SND1: variants seen among roughly 807,000 people sequenced by gnomAD.
SND1 encodes staphylococcal nuclease domain-containing protein 1.
Under a neutral mutation model 121.7 loss-of-function variants are expected in SND1, and 38 were observed. The observed-to-expected ratio is 0.31, with a 90% confidence interval of 0.24 to 0.41. The LOEUF (loss-of-function observed/expected upper bound fraction) is 0.41. SND1 is among the 10% of genes least tolerant of loss of function. SND1 has a pLI of 1.00. For missense variants in SND1, 868 were observed against 1,184.6 expected (o/e 0.73, Z 3.92); for synonymous variants, 401 against 447.4 (o/e 0.90, Z 1.31).
Position 128,085,208 on chromosome 7 carries a change from G to A in SND1, c.2234+361G>A, listed in dbSNP as rs888426496. ...TGAGGTAGAGGCTGGGCTACAGTAA[G>A]CCTAAACCAGCTGCCCGACCCTCTT... On this transcript the variant is annotated intron_variant, in intron 19 of 23. Coordinates refer to ENST00000354725, the MANE Select transcript of SND1 (RefSeq NM_014390.4). This position sits in a 1 kb window ranked among gnomAD's most constrained non-coding sequence, Gnocchi z 4.4. Among the ~76,000 whole-genome samples, 1 of 152,084 alleles carries A rather than the reference G, an allele frequency of 6.6e-6. No homozygotes were observed. Among genetic ancestry groups the A allele is most frequent in the Non-Finnish European group, 1.5e-5 (1 of 68,006 alleles).
At chr7:127,686,489 A>G in intron 1 of SND1, 124 bp from the exon 2 acceptor site, 1 of 986,494 alleles carries the variant, frequency 1.0e-6, no homozygotes, top group African/African-American at 1.6e-5. Flanking sequence ...CATTCAACAG[A>G]TGACTTTGCA....
At chr7:127,808,979 G>C (rs770578191) in intron 11 of SND1, among the ~76,000 whole-genome samples, 1 of 152,218 alleles carries the variant, frequency 6.6e-6, no homozygotes, top group Non-Finnish European at 1.5e-5. Flanking sequence ...GTAGCCAGTT[G>C]TGTGGCGTGT....
intron 13 of SND1, among the ~76,000 whole-genome samples, chr7:127,893,512 A>C (rs566184278): frequency 1.0e-3 from 157 of 152,222 alleles, no homozygotes; most frequent in African/African-American, 3.5e-3. Flanking sequence ...TTTAATTCTA[A>C]GATTTGCAAT....
intron 15 of SND1, among the ~76,000 whole-genome samples, chr7:127,977,054 T>C (rs947187573): frequency 2.6e-5 from 4 of 152,268 alleles, no homozygotes; most frequent in East Asian, 3.9e-4. Flanking sequence ...AAGACTGATA[T>C]GCAGTCTCTC....
At chr7:127,669,935 T>A (rs1201003677) in intron 1 of SND1, among the ~76,000 whole-genome samples, 1 of 152,220 alleles carries the variant, frequency 6.6e-6, no homozygotes, top group Non-Finnish European at 1.5e-5. Context: ...TCTTTTCTTT[T>A]TTTTTCTAGT....
intron 12 of SND1, chr7:127,857,817 A>G: frequency 1.2e-6 from 1 of 825,770 alleles, no homozygotes; most frequent in Non-Finnish European, 2.1e-6. Flanking sequence ...TCAGGAAAGA[A>G]GGGCCCACCA....
intron 15 of SND1, among the ~76,000 whole-genome samples, chr7:127,948,177 G>A (rs1044019297): frequency 6.6e-6 from 1 of 152,154 alleles, no homozygotes; most frequent in African/African-American, 2.4e-5. Context: ...AGTGATTCCT[G>A]TATGGCCTTA....
intron 9 of SND1, among the ~76,000 whole-genome samples, chr7:127,711,239 CT>C (rs1181423857): frequency 6.6e-6 from 1 of 152,172 alleles, no homozygotes; most frequent in Non-Finnish European, 1.5e-5. Context: ...ACAGCTTTCT[CT>C]TTATAATTTG....
chr7:127,874,260 C>A (rs146693261), intron 12 of SND1, among the ~76,000 whole-genome samples: 34 of 152,204 alleles, frequency 2.2e-4, no homozygotes, highest in African/African-American at 6.5e-4. Context: ...GCATTGCATC[C>A]TATTAAGAGT....
intron 15 of SND1, among the ~76,000 whole-genome samples, chr7:127,968,369 T>C (rs1273490589): frequency 6.6e-6 from 1 of 152,184 alleles, no homozygotes; most frequent in African/African-American, 2.4e-5. Flanking sequence ...GTCTGATATA[T>C]GTATGTAATG....
intron 1 of SND1, among the ~76,000 whole-genome samples, chr7:127,677,690 C>T (rs773104660): frequency 6.6e-6 from 1 of 152,190 alleles, no homozygotes; most frequent in African/African-American, 2.4e-5. Context: ...ATGAGCTTGA[C>T]GTGTTCCAAT....
intron 16 of SND1, among the ~76,000 whole-genome samples, chr7:128,048,339 A>T (rs1215786410): frequency 6.6e-6 from 1 of 151,140 alleles, no homozygotes; most frequent in African/African-American, 2.4e-5. Context: ...TACGCTTTGC[A>T]GACTTTCTCC....
chr7:128,010,528 C>A (rs1803091463), intron 16 of SND1, among the ~76,000 whole-genome samples: 1 of 152,228 alleles, frequency 6.6e-6, no homozygotes, highest in African/African-American at 2.4e-5. Flanking sequence ...CACGGAGAGG[C>A]TTCCAGTGAG....
At chr7:127,699,804 C>G (rs1435147561) in intron 4 of SND1, among the ~76,000 whole-genome samples, 1 of 152,126 alleles carries the variant, frequency 6.6e-6, no homozygotes, top group Non-Finnish European at 1.5e-5. Flanking sequence ...TCTTATATGA[C>G]TGTCATAGCT....
At chr7:128,012,525 G>A (rs1322882427) in intron 16 of SND1, among the ~76,000 whole-genome samples, 2 of 152,210 alleles carry the variant, frequency 1.3e-5, no homozygotes, top group Non-Finnish European at 2.9e-5. Flanking sequence ...CAAGAGGACT[G>A]AAACTTGTAC....
intron 14 of SND1, among the ~76,000 whole-genome samples, chr7:127,913,633 A>C (rs1800506887): frequency 6.6e-6 from 1 of 152,158 alleles, no homozygotes; most frequent in South Asian, 2.1e-4. Context: ...TACAGGGATG[A>C]TTGTAAGTAT....
chr7:127,733,108 CT>C (rs1406721964), intron 10 of SND1, among the ~76,000 whole-genome samples: 1 of 152,130 alleles, frequency 6.6e-6, no homozygotes, highest in Non-Finnish European at 1.5e-5. Context: ...TTCCCTCCCC[CT>C]AGCTTGGTCT....
chr7:127,939,275 A>G (rs1352981508), intron 15 of SND1, among the ~76,000 whole-genome samples: 1 of 152,184 alleles, frequency 6.6e-6, no homozygotes, highest in African/African-American at 2.4e-5. Flanking sequence ...AGATCAGAGG[A>G]GGATGAACAA....
At chr7:127,990,894 G>C (rs1264091445) in intron 15 of SND1, 53 bp from the exon 16 acceptor site, 1 of 1,328,498 alleles carries the variant, frequency 7.5e-7, no homozygotes, top group Non-Finnish European at 1.1e-6. Context: ...TTATTGGACA[G>C]CAAGCCTAGT....
Sources: allele counts gnomAD v4.1 joint callset (sites outside exome capture counted in the v4.1 genomes callset), GRCh38; gene constraint gnomAD v4.1.1; non-coding constraint Gnocchi (gnomAD v3.1); transcripts MANE v1.5; gene names NCBI Gene and HGNC (gene_info 2026-07-23, HGNC 2026-07-21).